Variants in MYPN observed in about 807,000 individuals in gnomAD.
MYPN encodes the protein myopalladin.
Under a neutral mutation model 129.4 loss-of-function variants are expected in MYPN, and 63 were observed. That is an observed-to-expected ratio of 0.49 (90% confidence interval 0.40 to 0.60). The LOEUF (loss-of-function observed/expected upper bound fraction) is 0.60. Among genes scored for constraint, MYPN ranks in the 20% least tolerant of loss-of-function variants. The pLI is 0.00. For synonymous variants in MYPN, 629 were observed against 600.9 expected, an observed-to-expected ratio of 1.05 and a Z score of -0.68; for missense variants, 1,596 against 1,635.4, an observed-to-expected ratio of 0.98 and a Z score of 0.42.
At chr10:68,177,579 T>C (rs2043247456) in intron 12 of MYPN, among the ~76,000 whole-genome samples, 1 of 152,164 alleles carries the variant, frequency 6.6e-6, no homozygotes, top group East Asian at 1.9e-4. Context: ...TCGGAAATGA[T>C]AGTAAAAACA....
chr10:68,208,261 A>G (rs2043849594), intron 19 of MYPN, among the ~76,000 whole-genome samples: 2 of 152,210 alleles, frequency 1.3e-5, no homozygotes, highest in African/African-American at 4.8e-5. Context: ...TCTGTCTATT[A>G]CCTGATAGAT....
At chr10:68,209,654 T>A (rs551876724) in intron 19 of MYPN, among the ~76,000 whole-genome samples, 2 of 147,446 alleles carry the variant, frequency 1.4e-5, no homozygotes, top group South Asian at 4.3e-4. Context: ...CACTCTTCCA[T>A]CTTATAGAAT....
chr10:68,092,506 A>G (rs916939976), intron 1 of MYPN, among the ~76,000 whole-genome samples: 2 of 152,150 alleles, frequency 1.3e-5, no homozygotes, highest in Non-Finnish European at 2.9e-5. Flanking sequence ...AAAAAAAAAA[A>G]AAAAGAAATG....
intron 1 of MYPN, among the ~76,000 whole-genome samples, chr10:68,094,786 AC>A (rs1258057662): frequency 2.6e-5 from 4 of 152,318 alleles, no homozygotes; most frequent in African/African-American, 9.6e-5. Context: ...TGGGGGCTGG[AC>A]ACAGTGACTC....
Position 68,174,186 on chromosome 10 carries a change from T to C in MYPN, c.2094T>C (p.Asn698=), listed in dbSNP as rs1215429982. 3 of 1,613,952 alleles carry C rather than the reference T, an allele frequency of 1.9e-6. No homozygotes were observed. In the African/African-American group the frequency reaches 4.0e-5, roughly 22 times the overall value. ...FPFSMTVLNS[N]APPAVTTSSK... Reference sequence around the variant, plus strand: ...TCAGCATGACTGTTTTGAACTCCAATGCTCCCCCAGCGGTGACAACATCCA... The same window carrying C: ...TCAGCATGACTGTTTTGAACTCCAACGCTCCCCCAGCGGTGACAACATCCA... Residue 698 remains asparagine, a synonymous_variant, in exon 11 of 20, where the codon AAT becomes AAC. Transcript: ENST00000358913.
chr10:68,176,060 G>A (rs2043223176), intron 12 of MYPN, among the ~76,000 whole-genome samples: 1 of 152,068 alleles, frequency 6.6e-6, no homozygotes, highest in Admixed American at 6.6e-5. Flanking sequence ...TAGACTTTAA[G>A]GAATTCTGGG....
chr10:68,139,469 C>A (rs1252869902), intron 2 of MYPN, among the ~76,000 whole-genome samples: 3 of 152,028 alleles, frequency 2.0e-5, no homozygotes, highest in Admixed American at 2.0e-4. Flanking sequence ...TGGTTTTGTA[C>A]CTTTAAAAAA....
At position 68,194,465 on chromosome 10, in the gene MYPN, A is replaced by G. The variant is rs2043570466; in HGVS notation, c.3028A>G (p.Thr1010Ala). The change falls in exon 14 of 20, where the codon ACC (threonine) becomes GCC (alanine). Residue 1010 changes from threonine (T) to alanine (A), a missense_variant. By Grantham distance (58) the Thr-to-Ala change is moderately conservative (BLOSUM62 0). Transcript: ENST00000358913. The part of the protein sequence containing the change: ...GTCSLHIEST[T>A]SDDDGNYTIM... Reference sequence around the variant, plus strand: ...ATGCTCTCTGCACATTGAATCCACTACCAGTGATGACGATGGCAACTACAC... The same window carrying G: ...ATGCTCTCTGCACATTGAATCCACTGCCAGTGATGACGATGGCAACTACAC... 1.1e-5 allele frequency: 18 copies of G among 1,613,914 alleles called. No homozygotes were observed. The highest frequency in any genetic ancestry group is 1.5e-5 in the Non-Finnish European group (18 of 1,179,900).
intron 4 of MYPN, among the ~76,000 whole-genome samples, chr10:68,147,799 G>A (rs899004090): frequency 6.6e-6 from 1 of 152,146 alleles, no homozygotes; most frequent in African/African-American, 2.4e-5. Context: ...GCCTTCTCAA[G>A]AATACTTGCT....
intron 16 of MYPN, among the ~76,000 whole-genome samples, chr10:68,197,688 A>G (rs1181894975): frequency 6.6e-6 from 1 of 151,918 alleles, no homozygotes; most frequent in Non-Finnish European, 1.5e-5. Flanking sequence ...ATCTCTATAT[A>G]TTAATAAAAA....
intron 13 of MYPN, among the ~76,000 whole-genome samples, chr10:68,193,285 G>A (rs7900891): frequency 0.41 from 61,552 of 151,826 alleles, 13,403 homozygotes; most frequent in Non-Finnish European, 0.49. Context: ...AACCCCATCA[G>A]GAATGAGATC....
At chr10:68,125,588 C>T (rs2042314395) in intron 2 of MYPN, among the ~76,000 whole-genome samples, 1 of 152,152 alleles carries the variant, frequency 6.6e-6, no homozygotes, top group African/African-American at 2.4e-5. Flanking sequence ...ATATGCATCC[C>T]TGCCTTCAAG....
chr10:68,158,540 G>A lies in MYPN; in HGVS notation c.1372G>A (p.Val458Ile), dbSNP rs757231554. ...TCAGCTGGTTGTCTTTGAATGCAGA[G>A]TAAAAGGAGCTCCATCTCCTAAGGT... is the stretch of plus-strand genomic sequence containing the variant. Reference protein sequence around the residue: ...EGQLVVFECRVKGAPSPKVEW... With the variant: ...EGQLVVFECRIKGAPSPKVEW... The change falls in exon 7 of 20, where the codon GTA becomes ATA. Residue 458 changes from valine (V) to isoleucine (I), a missense_variant. By Grantham distance (29) the Val-to-Ile change is conservative (BLOSUM62 3). Transcript: ENST00000358913. 1.2e-5 allele frequency: 20 copies of A among 1,613,684 alleles called. No individual in the cohort carries two copies. Among genetic ancestry groups the A allele is most frequent in the East Asian group, 8.9e-5 (4 of 44,884 alleles).
intron 14 of MYPN, 32 bp from the exon 15 acceptor site, chr10:68,195,418 T>A: frequency 6.3e-7 from 1 of 1,598,002 alleles, no homozygotes; most frequent in Non-Finnish European, 8.6e-7. Context: ...AGATTGTTCT[T>A]GTTTTAATCT....
chr10:68,116,445 CA>C (rs571301303), intron 1 of MYPN, among the ~76,000 whole-genome samples: 1 of 152,162 alleles, frequency 6.6e-6, no homozygotes, highest in African/African-American at 2.4e-5. Flanking sequence ...CTCAAGAAAA[CA>C]AAGTTATTTA....
intron 8 of MYPN, among the ~76,000 whole-genome samples, chr10:68,164,139 A>G (rs2043019644): frequency 6.6e-6 from 1 of 152,158 alleles, no homozygotes; most frequent in Admixed American, 6.5e-5. Context: ...AATACCTGAA[A>G]CTGGGTGATT....
Position 68,189,002 on chromosome 10 carries a change from A to G in MYPN, c.2801A>G (p.His934Arg). 2 of 1,614,182 alleles carry G rather than the reference A, an allele frequency of 1.2e-6. No homozygotes were observed. The highest frequency in any genetic ancestry group is 1.3e-5 in the African/African-American group (1 of 75,062). The stretch of plus-strand genomic sequence containing the variant: ...GATGAATCAGATGATGAAATTCAAC[A>G]TGATGAGATCCCCACGGGCAAGTGT... ...PVDESDDEIQHDEIPTGKCIA... is the reference protein window; with the variant it reads ...PVDESDDEIQRDEIPTGKCIA... Residue 934 changes from histidine to arginine, a missense_variant, in exon 13 of 20, where the codon CAT becomes CGT. By Grantham distance (29) the His-to-Arg change is conservative. Transcript: ENST00000358913.
Position 68,199,029 on chromosome 10 carries a change from G to T in MYPN, c.3286-339G>T, listed in dbSNP as rs961414895. On this transcript the variant is annotated intron_variant, in intron 16 of 19. Transcript: ENST00000358913. ...AGAAAAAAAATCTGGCTTTTCTCTT[G>T]GCTATTAGGTATGTAAGCAGTATAT... Among the ~76,000 whole-genome samples, 7 of 151,344 alleles carry T rather than the reference G, an allele frequency of 4.6e-5. No homozygotes were observed. The East Asian group carries it at 5.8e-4, about 13-fold the overall frequency.
At chr10:68,132,580 C>T (rs1564653453) in intron 2 of MYPN, among the ~76,000 whole-genome samples, 1 of 152,158 alleles carries the variant, frequency 6.6e-6, no homozygotes, top group Non-Finnish European at 1.5e-5. Context: ...TCTGAATCAG[C>T]AGTTAATTAC....
Sources: gnomAD v4.1 joint callset for allele counts (sites outside exome capture counted in the v4.1 genomes callset) on GRCh38, gnomAD v4.1.1 for gene constraint, MANE v1.5 for transcripts, NCBI Gene and HGNC (gene_info 2026-07-23, HGNC 2026-07-21) for gene names.